The following BLTP3A variants were observed in gnomAD, a reference collection of about 807,000 sequenced individuals.
BLTP3A encodes ICBP90 binding protein 1.
At chr6:34,835,472 ATAAAACAGACACCCTTAGTGGGGC>A in the BLTP3A span, 14 of 1,613,296 alleles carry the variant, frequency 8.7e-6, no homozygotes, top group African/African-American at 1.9e-4. Flanking sequence ...CAGGTTAGAG[ATAAAACAGACACCCTTAGTGGGGC>A]TAGGGACTCA....
the BLTP3A span, chr6:34,857,750 T>G: frequency 6.2e-7 from 1 of 1,614,238 alleles, no homozygotes; most frequent in East Asian, 2.2e-5. Context: ...CTACATTCAG[T>G]TAAATGGTCT....
chr6:34,849,835 C>T, the BLTP3A span, among the ~76,000 whole-genome samples: 1 of 152,142 alleles, frequency 6.6e-6, no homozygotes, highest in African/African-American at 2.4e-5. Context: ...ATATACTATT[C>T]TAGGATAAAA....
the BLTP3A span, among the ~76,000 whole-genome samples, chr6:34,832,631 T>G: frequency 6.6e-6 from 1 of 151,938 alleles, no homozygotes; most frequent in Admixed American, 6.6e-5. Context: ...AGAGAGTTTT[T>G]GTAGAGAGGG....
At chr6:34,876,961 T>C in the BLTP3A span, 1 of 152,462 alleles carries the variant, frequency 6.6e-6, no homozygotes. Context: ...CTAATTGCAA[T>C]AGATATAGTT....
At chr6:34,817,689 T>C in the BLTP3A span, among the ~76,000 whole-genome samples, 1 of 152,152 alleles carries the variant, frequency 6.6e-6, no homozygotes, top group South Asian at 2.1e-4. Flanking sequence ...GGGGAATCCA[T>C]TGCTTTTATA....
At chr6:34,810,912 A>G in the BLTP3A span, among the ~76,000 whole-genome samples, 2 of 152,248 alleles carry the variant, frequency 1.3e-5, no homozygotes, top group African/African-American at 2.4e-5. Flanking sequence ...ACTTTAGGAT[A>G]GTAAATGATA....
At chr6:34,871,192 A>C in the BLTP3A span, 1 of 1,505,008 alleles carries the variant, frequency 6.6e-7, no homozygotes, top group Non-Finnish European at 8.9e-7. Context: ...GCAAGGAAGC[A>C]GTGACACCTG....
At chr6:34,830,145 C>T in the BLTP3A span, among the ~76,000 whole-genome samples, 1 of 152,026 alleles carries the variant, frequency 6.6e-6, no homozygotes, top group East Asian at 1.9e-4. Flanking sequence ...TTTAGCGAGA[C>T]AGGGTTTTGC....
chr6:34,810,572 G>T, the BLTP3A span, among the ~76,000 whole-genome samples: 1 of 152,168 alleles, frequency 6.6e-6, no homozygotes, highest in Admixed American at 6.6e-5. Context: ...AACCTTTACT[G>T]ATACTCCCAC....
the BLTP3A span, among the ~76,000 whole-genome samples, chr6:34,841,082 G>C: frequency 6.6e-6 from 1 of 151,792 alleles, no homozygotes; most frequent in East Asian, 1.9e-4. Flanking sequence ...TAATCTTCTC[G>C]CCTAAGCCGC....
chr6:34,827,787 A>G, the BLTP3A span, among the ~76,000 whole-genome samples: 1 of 152,024 alleles, frequency 6.6e-6, no homozygotes, highest in East Asian at 1.9e-4. Flanking sequence ...GCCTGCCACC[A>G]TGCCTGGCTA....
chr6:34,864,663 A>G, the BLTP3A span, among the ~76,000 whole-genome samples: 1,285 of 152,124 alleles, frequency 8.4e-3, 19 homozygotes, highest in African/African-American at 0.027. Context: ...GAAACTTAGG[A>G]AATGATCCTT....
chr6:34,871,938 C>G, the BLTP3A span: 3 of 1,611,458 alleles, frequency 1.9e-6, no homozygotes, highest in East Asian at 6.7e-5. Context: ...GAGGACCTAA[C>G]AGAACAGTAG....
chr6:34,870,972 C>T, the BLTP3A span: 2 of 1,614,162 alleles, frequency 1.2e-6, no homozygotes, highest in Non-Finnish European at 1.7e-6. Flanking sequence ...CACAAAATGG[C>T]TTCCTACATT....
the BLTP3A span, among the ~76,000 whole-genome samples, chr6:34,845,316 T>G: frequency 6.6e-6 from 1 of 152,198 alleles, no homozygotes; most frequent in Non-Finnish European, 1.5e-5. Flanking sequence ...TTTGCTCAGC[T>G]GGCTTGGCTA....
At chr6:34,814,270 C>T in the BLTP3A span, among the ~76,000 whole-genome samples, 1 of 152,186 alleles carries the variant, frequency 6.6e-6, no homozygotes, top group African/African-American at 2.4e-5. Context: ...CTGCCTTGGC[C>T]TCCCAAACTA....
At chr6:34,840,230 G>A in the BLTP3A span, among the ~76,000 whole-genome samples, 2 of 152,158 alleles carry the variant, frequency 1.3e-5, no homozygotes, top group African/African-American at 4.8e-5. Context: ...ATTCCATGTT[G>A]AAATAACATT....
the BLTP3A span, among the ~76,000 whole-genome samples, chr6:34,851,900 C>T: frequency 1.3e-5 from 2 of 152,292 alleles, no homozygotes; most frequent in Admixed American, 6.5e-5. Flanking sequence ...CCAGGACCAC[C>T]ACTGCCCCAG....
chr6:34,813,599 T>C, the BLTP3A span, among the ~76,000 whole-genome samples: 3 of 152,212 alleles, frequency 2.0e-5, no homozygotes, highest in African/African-American at 7.2e-5. Context: ...GTGGAATAAA[T>C]AGCAGGCTGC....
Sources: allele counts gnomAD v4.1 joint callset (sites outside exome capture counted in the v4.1 genomes callset), GRCh38; gene constraint gnomAD v4.1.1; transcripts MANE v1.5; gene names NCBI Gene and HGNC (gene_info 2026-07-23, HGNC 2026-07-21).